The following TSPAN18 variants were observed in gnomAD, a reference collection of about 807,000 sequenced individuals.
The protein encoded by TSPAN18 is tetraspanin-18.
In TSPAN18, 14 loss-of-function variants were observed where a neutral mutation model predicts 27.3. That is an observed-to-expected ratio of 0.51 (90% confidence interval 0.34 to 0.80). The LOEUF is 0.80. Ranked by LOEUF, TSPAN18 falls within the 30% of genes least tolerant of loss-of-function variation. TSPAN18 has a pLI of 0.01. For missense variants in TSPAN18, 268 were observed against 323.9 expected (o/e 0.83, Z 1.32); for synonymous variants, 143 against 136.5 (o/e 1.05, Z -0.33).
At chr11:44,741,447 ATGTGTGTG>A (rs58865710) in intron 1 of TSPAN18, among the ~76,000 whole-genome samples, 4 of 147,384 alleles carry the variant, frequency 2.7e-5, no homozygotes, top group African/African-American at 9.9e-5. Context: ...TCAGACATGT[ATGTGTGTG>A]TGTGTGTGTG....
At chr11:44,882,124 C>T (rs1318739270) in intron 3 of TSPAN18, among the ~76,000 whole-genome samples, 2 of 152,094 alleles carry the variant, frequency 1.3e-5, no homozygotes, top group Non-Finnish European at 2.9e-5. Context: ...AAGTGACTTG[C>T]CCAAGGTCAC....
chr11:44,764,190 C>T (rs1855514543), intron 1 of TSPAN18, among the ~76,000 whole-genome samples: 2 of 152,180 alleles, frequency 1.3e-5, no homozygotes, highest in South Asian at 4.1e-4. Context: ...CTCCCACCTG[C>T]CTGGATGGAG....
chr11:44,882,491 GC>G (rs1858514900), intron 3 of TSPAN18, among the ~76,000 whole-genome samples: 1 of 151,950 alleles, frequency 6.6e-6, no homozygotes, highest in African/African-American at 2.4e-5. Flanking sequence ...GGGGATTTAT[GC>G]CCAGGCTCCC....
chr11:44,824,880 C>T (rs835826), intron 2 of TSPAN18, among the ~76,000 whole-genome samples: 88,146 of 152,130 alleles, frequency 0.58, 26,014 homozygotes, highest in East Asian at 0.94. Flanking sequence ...CAGATGTTGA[C>T]TGGCACCAGC....
intron 2 of TSPAN18, among the ~76,000 whole-genome samples, chr11:44,765,511 G>A (rs57207463): frequency 1.7e-3 from 260 of 152,328 alleles, no homozygotes; most frequent in African/African-American, 5.5e-3. Context: ...GCCAGGCACA[G>A]TGTGACGCTC....
chr11:44,742,381 A>AT (rs1004834583), intron 1 of TSPAN18, among the ~76,000 whole-genome samples: 2 of 111,490 alleles, frequency 1.8e-5, no homozygotes, highest in Non-Finnish European at 3.6e-5. Flanking sequence ...TCCCTCCCCC[A>AT]TTTTTTCTTT....
chr11:44,838,906 A>ATTTAAT (rs1857314550), intron 2 of TSPAN18, among the ~76,000 whole-genome samples: 1 of 152,316 alleles, frequency 6.6e-6, no homozygotes, highest in South Asian at 2.1e-4. Context: ...TGGTGTGATC[A>ATTTAAT]TTTAATTTTA....
chr11:44,738,450 C>T (rs1854851377), intron 1 of TSPAN18, among the ~76,000 whole-genome samples: 2 of 152,198 alleles, frequency 1.3e-5, no homozygotes. Context: ...CTCATTTTCC[C>T]ATCATAAAAT....
At chr11:44,792,292 G>A (rs1419181962) in intron 2 of TSPAN18, among the ~76,000 whole-genome samples, 1 of 152,128 alleles carries the variant, frequency 6.6e-6, no homozygotes, top group African/African-American at 2.4e-5. Context: ...AGGAAGTGAG[G>A]GAACAGCTTG....
chr11:44,913,184 G>A (rs1393564192), intron 5 of TSPAN18, among the ~76,000 whole-genome samples: 1 of 152,164 alleles, frequency 6.6e-6, no homozygotes, highest in Non-Finnish European at 1.5e-5. Flanking sequence ...CTTGAGAGGG[G>A]CCAAAAGAGT....
chr11:44,923,621 A>T (rs1590701107), intron 8 of TSPAN18, among the ~76,000 whole-genome samples: 1 of 152,186 alleles, frequency 6.6e-6, no homozygotes, highest in African/African-American at 2.4e-5. Flanking sequence ...TCCTCAGTGT[A>T]AATCCTGGCT....
chr11:44,915,025 A>G (rs976317418), intron 5 of TSPAN18, among the ~76,000 whole-genome samples: 5 of 152,222 alleles, frequency 3.3e-5, no homozygotes, highest in Admixed American at 2.0e-4. Context: ...CACATCCCAG[A>G]GTGACGGGCA....
chr11:44,772,948 C>T (rs1396012577), intron 2 of TSPAN18, among the ~76,000 whole-genome samples: 2 of 152,134 alleles, frequency 1.3e-5, no homozygotes, highest in African/African-American at 2.4e-5. Flanking sequence ...TGAGCCACTG[C>T]ACTGAGCCCG....
intron 2 of TSPAN18, among the ~76,000 whole-genome samples, chr11:44,840,141 G>A (rs2135163355): frequency 6.6e-6 from 1 of 152,324 alleles, no homozygotes; most frequent in South Asian, 2.1e-4. Flanking sequence ...CTTGAGCAAT[G>A]TTGTTTGAGG....
chr11:44,790,424 CATGTGTGTGT>C (rs1856180452), intron 2 of TSPAN18, among the ~76,000 whole-genome samples: 3 of 134,422 alleles, frequency 2.2e-5, no homozygotes, highest in South Asian at 4.7e-4. Context: ...CATGTGTGTG[CATGTGTGTGT>C]ACATGTGTTC....
intron 2 of TSPAN18, among the ~76,000 whole-genome samples, chr11:44,850,077 CAG>C (rs1857565072): frequency 6.6e-6 from 1 of 152,162 alleles, no homozygotes; most frequent in Non-Finnish European, 1.5e-5. Context: ...CCAGGACCAA[CAG>C]AGAAGAAGGC....
chr11:44,769,961 T>C (rs1565141255), intron 2 of TSPAN18, among the ~76,000 whole-genome samples: 1 of 152,222 alleles, frequency 6.6e-6, no homozygotes, highest in African/African-American at 2.4e-5. Context: ...GTAAATCTCG[T>C]TGATTCTGCA....
chr11:44,755,592 C>T (rs1855313129), intron 1 of TSPAN18, among the ~76,000 whole-genome samples: 1 of 152,104 alleles, frequency 6.6e-6, no homozygotes, highest in African/African-American at 2.4e-5. Context: ...TCCTCCCTCT[C>T]CCCTGCCCCC....
intron 2 of TSPAN18, among the ~76,000 whole-genome samples, chr11:44,852,208 C>T (rs835806): frequency 0.54 from 81,447 of 152,124 alleles, 22,947 homozygotes; most frequent in Non-Finnish European, 0.62. Context: ...TTGTTTATAA[C>T]AACAACAAAA....
Sources: allele counts gnomAD v4.1 joint callset (sites outside exome capture counted in the v4.1 genomes callset), GRCh38; gene constraint gnomAD v4.1.1; transcripts MANE v1.5; gene names NCBI Gene and HGNC (gene_info 2026-07-23, HGNC 2026-07-21).